IQSEC1: variants seen among roughly 807,000 people sequenced by gnomAD.
The protein encoded by IQSEC1 is IQ motif and Sec7 domain ArfGEF 1.
In IQSEC1, 31 loss-of-function variants were observed where a neutral mutation model predicts 91.0. That is an observed-to-expected ratio of 0.34 (90% confidence interval 0.26 to 0.46). IQSEC1 has a LOEUF of 0.46. Ranked by LOEUF, IQSEC1 falls within the 20% of genes least tolerant of loss-of-function variation. The pLI is 1.00. For missense variants in IQSEC1, 1,388 were observed against 1,575.6 expected, an observed-to-expected ratio of 0.88 and a Z score of 2.02; for synonymous variants, 699 against 662.6, an observed-to-expected ratio of 1.05 and a Z score of -0.84.
chr3:13,089,098 TATTGG>T (rs1705790965), intron 2 of IQSEC1, among the ~76,000 whole-genome samples: 2 of 152,366 alleles, frequency 1.3e-5, no homozygotes, highest in South Asian at 2.1e-4. Context: ...ACTCCTCTCC[TATTGG>T]CCAGGAGGCC....
intron 1 of IQSEC1, among the ~76,000 whole-genome samples, chr3:13,173,498 G>C (rs1693658359): frequency 6.6e-6 from 1 of 152,224 alleles, no homozygotes; most frequent in South Asian, 2.1e-4. Flanking sequence ...TCCTGCTCCT[G>C]GAGGAAGGCA....
intron 1 of IQSEC1, among the ~76,000 whole-genome samples, chr3:13,236,997 T>C (rs1391529318): frequency 1.3e-5 from 2 of 152,316 alleles, no homozygotes; most frequent in Non-Finnish European, 2.9e-5. Flanking sequence ...TCACAACACC[T>C]GCCCGAGGAG....
chr3:13,052,020 C>T (rs1251574261), intron 1 of IQSEC1, among the ~76,000 whole-genome samples: 1 of 152,210 alleles, frequency 6.6e-6, no homozygotes, highest in African/African-American at 2.4e-5. Flanking sequence ...ATCTTGCACA[C>T]CTGCAGTACA....
chr3:13,231,165 G>A (rs1207518965), intron 1 of IQSEC1, among the ~76,000 whole-genome samples: 1 of 152,184 alleles, frequency 6.6e-6, no homozygotes, highest in Non-Finnish European at 1.5e-5. Context: ...GTTTGGACAT[G>A]TTACAAGTTA....
intron 1 of IQSEC1, among the ~76,000 whole-genome samples, chr3:13,265,180 G>T (rs563011495): frequency 6.6e-6 from 1 of 152,234 alleles, no homozygotes; most frequent in African/African-American, 2.4e-5. Flanking sequence ...AACCTCACTG[G>T]CCCAAAGGCT....
Position 12,994,049 on chromosome 3 carries a change from C to A in IQSEC1, c.24-52184G>T, listed in dbSNP as rs1461857575. On this transcript the variant is annotated intron_variant, in intron 1 of 13. Coordinates refer to ENST00000613206, the MANE Select transcript of IQSEC1 (RefSeq NM_001134382.3). The surrounding 1 kb of genome is among the most constrained non-coding windows in gnomAD (Gnocchi z 4.5). ...CCGGGGCCCCGCACCGCACCGGTCGCCGGGCGCGTCCCCCGCCGGCCCGCC... is the reference window on the plus strand; with the variant it reads ...CCGGGGCCCCGCACCGCACCGGTCGACGGGCGCGTCCCCCGCCGGCCCGCC... 1.4e-4 allele frequency among the ~76,000 whole-genome samples: 20 copies of A among 148,128 alleles called. No individual in the cohort carries two copies. Among genetic ancestry groups the A allele is most frequent in the Admixed American group, 1.3e-3 (20 of 14,898 alleles).
At chr3:13,153,247 C>A (rs1435026588) in intron 2 of IQSEC1, among the ~76,000 whole-genome samples, 1 of 152,120 alleles carries the variant, frequency 6.6e-6, no homozygotes. Context: ...TCTGGTCCAG[C>A]GGAAGTTGAA....
chr3:13,095,466 A>G lies in IQSEC1; in HGVS notation c.303-47944T>C, dbSNP rs570981508. 4.6e-5 allele frequency among the ~76,000 whole-genome samples: 7 copies of G among 152,252 alleles called. 1 individual carries two copies. In the South Asian group the frequency reaches 1.5e-3, roughly 32 times the overall value. Reference sequence around the variant, plus strand: ...ACAGCAGCACCGGGGGCTGATGGACAGAGCTAAGAACATTTGAGACATGTG... The same window carrying G: ...ACAGCAGCACCGGGGGCTGATGGACGGAGCTAAGAACATTTGAGACATGTG... On this transcript the variant is annotated intron_variant, in intron 2 of 15. Transcript: ENST00000648114.
chr3:12,940,725 G>A lies in IQSEC1; in HGVS notation c.318+846C>T, dbSNP rs932288999. Among the ~76,000 whole-genome samples, 7 of 152,152 alleles carry A rather than the reference G, an allele frequency of 4.6e-5. No homozygotes were observed. The highest frequency in any genetic ancestry group is 2.1e-4 in the South Asian group (1 of 4,828). On this transcript the variant is annotated intron_variant, in intron 2 of 13. Coordinates refer to ENST00000613206, the MANE Select transcript of IQSEC1 (RefSeq NM_001134382.3). The surrounding 1 kb of genome is among the most constrained non-coding windows in gnomAD (Gnocchi z 4.4). ...CTCTTGAAGCCTCAAACTGCTAAGCGGCTTGTCCATGCACTGGCCCACTCA... is the reference window on the plus strand; with the variant it reads ...CTCTTGAAGCCTCAAACTGCTAAGCAGCTTGTCCATGCACTGGCCCACTCA...
At chr3:13,134,645 C>T (rs1238040603) in intron 2 of IQSEC1, among the ~76,000 whole-genome samples, 1 of 152,144 alleles carries the variant, frequency 6.6e-6, no homozygotes, top group Non-Finnish European at 1.5e-5. Context: ...CTTGGGTGGC[C>T]CTAGAGGTGT....
rs1696918352 is a variant in IQSEC1 at position 12,924,321 on chromosome 3, G to A, written c.1730+260C>T. On this transcript the variant is annotated intron_variant, in intron 4 of 13. Coordinates refer to ENST00000613206, the MANE Select transcript of IQSEC1 (RefSeq NM_001134382.3). The surrounding 1 kb of genome is among the most constrained non-coding windows in gnomAD (Gnocchi z 6.3). ...GATGGAGGGAAGGGAGGGGCCAAGG[G>A]TGCATGCCAGAGGGTGGGCGGACAG... Among the ~76,000 whole-genome samples, 1 of 152,194 alleles carries A rather than the reference G, an allele frequency of 6.6e-6. No individual in the cohort carries two copies.
intron 1 of IQSEC1, among the ~76,000 whole-genome samples, chr3:13,275,500 G>A (rs1423487615): frequency 2.0e-5 from 3 of 152,086 alleles, no homozygotes; most frequent in Admixed American, 6.5e-5. Flanking sequence ...TGACAGCACC[G>A]CCCAGCCCCT....
At chr3:12,927,725 A>G (rs1475764361) in intron 3 of IQSEC1, among the ~76,000 whole-genome samples, 1 of 152,066 alleles carries the variant, frequency 6.6e-6, no homozygotes, top group Non-Finnish European at 1.5e-5. Context: ...TGGGCCAGGC[A>G]CCTCTTGGTG....
chr3:13,016,441 G>A (rs893909576), intron 1 of IQSEC1, among the ~76,000 whole-genome samples: 4 of 152,152 alleles, frequency 2.6e-5, no homozygotes, highest in Admixed American at 2.0e-4. Context: ...ACAGCAGCCC[G>A]GGTGACGGTT....
chr3:13,027,969 C>A (rs1703685432), intron 1 of IQSEC1, among the ~76,000 whole-genome samples: 1 of 152,158 alleles, frequency 6.6e-6, no homozygotes, highest in Non-Finnish European at 1.5e-5. Context: ...GAGTGTCTAG[C>A]CCACAGGATA....
At chr3:13,237,452 T>A (rs1694951304) in intron 1 of IQSEC1, among the ~76,000 whole-genome samples, 1 of 152,186 alleles carries the variant, frequency 6.6e-6, no homozygotes, top group Admixed American at 6.5e-5. Flanking sequence ...ATTTATTCCC[T>A]CGGTTCCTGC....
At chr3:12,974,740 G>A (rs1432584672) in intron 1 of IQSEC1, among the ~76,000 whole-genome samples, 1 of 152,200 alleles carries the variant, frequency 6.6e-6, no homozygotes, top group Non-Finnish European at 1.5e-5. Flanking sequence ...CCCAGCTGAC[G>A]ATCAAAAATG....
At chr3:13,253,990 AGGT>A (rs1014817146) in intron 1 of IQSEC1, among the ~76,000 whole-genome samples, 2 of 152,196 alleles carry the variant, frequency 1.3e-5, no homozygotes, top group Non-Finnish European at 2.9e-5. Context: ...TCTGACCAAC[AGGT>A]GATGCGCCAC....
chr3:12,926,958 GGGACCC>G (rs1697199169), intron 3 of IQSEC1, among the ~76,000 whole-genome samples: 3 of 152,172 alleles, frequency 2.0e-5, no homozygotes, highest in Non-Finnish European at 4.4e-5. Flanking sequence ...ACCTGTCCCA[GGGACCC>G]AGGATGGAAG....
Sources: gnomAD v4.1 joint callset for allele counts (sites outside exome capture counted in the v4.1 genomes callset) on GRCh38, gnomAD v4.1.1 for gene constraint, Gnocchi (gnomAD v3.1) non-coding constraint, MANE v1.5 for transcripts, NCBI Gene and HGNC (gene_info 2026-07-23, HGNC 2026-07-21) for gene names.